ZNF610: variants seen among roughly 807,000 people sequenced by gnomAD.
The protein encoded by ZNF610 is zinc finger protein 610.
In ZNF610, 14 loss-of-function variants were observed where a neutral mutation model predicts 14.1. The ratio of observed to expected loss-of-function variants is 0.99; its 90% CI spans 0.65 to 1.55. The LOEUF is 1.55. Among genes scored for constraint, ZNF610 ranks in the 40% most tolerant of loss-of-function variants. ZNF610 has a pLI of 0.00. For missense variants in ZNF610, 530 were observed against 558.0 expected (o/e 0.95, Z 0.51); for synonymous variants, 185 against 187.6 (o/e 0.99, Z 0.11).
At chr19:52,352,458 G>A (rs1461879210) in intron 3 of ZNF610, among the ~76,000 whole-genome samples, 4 of 151,994 alleles carry the variant, frequency 2.6e-5, no homozygotes, top group South Asian at 2.1e-4. Flanking sequence ...GGCTGGTCTC[G>A]AACTCCCCAC....
chr19:52,365,612 T>G, intron 5 of ZNF610, 86 bp from the exon 6 acceptor site: 1 of 1,191,032 alleles, frequency 8.4e-7, no homozygotes, highest in Non-Finnish European at 1.2e-6. Context: ...AGTGTCTGAG[T>G]TGGGTGAGGC....
intron 1 of ZNF610, chr19:52,347,175 G>A (rs957428929): frequency 1.3e-5 from 2 of 152,212 alleles, no homozygotes; most frequent in African/African-American, 2.4e-5. Context: ...TATTGCTCCT[G>A]AGGACCTTCC....
intron 1 of ZNF610, among the ~76,000 whole-genome samples, chr19:52,342,625 T>C (rs1430697535): frequency 6.6e-6 from 1 of 151,814 alleles, no homozygotes; most frequent in African/African-American, 2.4e-5. Flanking sequence ...GTTCAAGTGA[T>C]TCTCCCACCT....
intron 5 of ZNF610, among the ~76,000 whole-genome samples, chr19:52,364,379 A>G (rs568376525): frequency 1.3e-5 from 2 of 151,992 alleles, no homozygotes; most frequent in South Asian, 4.2e-4. Context: ...AGAACTTTAT[A>G]TTTTCATTTG....
intron 5 of ZNF610, among the ~76,000 whole-genome samples, chr19:52,365,111 G>T (rs1191551206): frequency 6.6e-6 from 1 of 152,050 alleles, no homozygotes; most frequent in Non-Finnish European, 1.5e-5. Flanking sequence ...AGACGAACGT[G>T]GTGGCGTGCG....
chr19:52,334,961 T>A (rs1166414108), upstream of ZNF610, among the ~76,000 whole-genome samples: 1 of 13,598 alleles, frequency 7.4e-5, no homozygotes, highest in Non-Finnish European at 1.5e-4. Flanking sequence ...ACACACACAA[T>A]GTAATTTACA....
chr19:52,346,064 T>C (rs968376909), intron 1 of ZNF610, among the ~76,000 whole-genome samples: 31 of 151,410 alleles, frequency 2.0e-4, no homozygotes, highest in Non-Finnish European at 4.1e-4. Context: ...AGTAGTGTGA[T>C]CTTGGCTCAC....
chr19:52,347,763 T>G lies in ZNF610; in HGVS notation c.-201T>G, dbSNP rs1355059895. The G allele has an allele frequency of 6.6e-6, 1 of 152,208 alleles. No homozygotes were observed. The highest frequency in any genetic ancestry group is 1.5e-5 in the Non-Finnish European group (1 of 68,044). The allele number at this position is 152,208 out of a possible 1,614,324, so 9.4% of individuals were successfully genotyped here. On this transcript the variant is annotated 5_prime_UTR_variant, in exon 2 of 6. Transcript: ENST00000403906. Reference sequence around the variant, plus strand: ...GTCTCGAAATTCTGGAGTCAAGCAGTCTGCCTGCCTCGTTCTCCAAACGTG... The same window carrying G: ...GTCTCGAAATTCTGGAGTCAAGCAGGCTGCCTGCCTCGTTCTCCAAACGTG...
intron 1 of ZNF610, among the ~76,000 whole-genome samples, chr19:52,339,562 A>G (rs1301244219): frequency 6.8e-6 from 1 of 146,454 alleles, no homozygotes; most frequent in African/African-American, 2.8e-5. Context: ...TTAAACCTTG[A>G]GTCAACACAG....
chr19:52,354,561 C>T (rs1232533925), intron 5 of ZNF610, among the ~76,000 whole-genome samples, 182 bp downstream of exon 5: 1 of 150,882 alleles, frequency 6.6e-6, no homozygotes, highest in Non-Finnish European at 1.5e-5. Flanking sequence ...ATAGCCACTG[C>T]ACCTTGCAAA....
At chr19:52,349,346 C>G in intron 3 of ZNF610, 111 bp downstream of exon 3, 1 of 1,369,214 alleles carries the variant, frequency 7.3e-7, no homozygotes, top group Non-Finnish European at 1.0e-6. Flanking sequence ...CAGTCCCTTT[C>G]ATCTCGCTTA....
intron 1 of ZNF610, among the ~76,000 whole-genome samples, chr19:52,337,687 T>C (rs1984451280): frequency 6.6e-6 from 1 of 152,154 alleles, no homozygotes; most frequent in Non-Finnish European, 1.5e-5. Flanking sequence ...AGATGAGCGA[T>C]GAGTTGATGG....
chr19:52,348,538 C>T (rs1729038610), intron 2 of ZNF610, among the ~76,000 whole-genome samples: 1 of 152,116 alleles, frequency 6.6e-6, no homozygotes, highest in African/African-American at 2.4e-5. Flanking sequence ...TGATCTGCTC[C>T]ACTTTTGGGG....
At chr19:52,358,802 G>A (rs1205087276) in intron 5 of ZNF610, among the ~76,000 whole-genome samples, 1 of 152,188 alleles carries the variant, frequency 6.6e-6, no homozygotes, top group Non-Finnish European at 1.5e-5. Context: ...TTTAGGTCAT[G>A]AATTGGCTTT....
chr19:52,353,932 G>A, intron 4 of ZNF610, 124 bp downstream of exon 4: 1 of 1,286,518 alleles, frequency 7.8e-7, no homozygotes, highest in Non-Finnish European at 1.1e-6. Context: ...ACTCAGAAAT[G>A]AAAAGCTCTA....
At chr19:52,358,052 T>C (rs1444514960) in intron 5 of ZNF610, among the ~76,000 whole-genome samples, 2 of 152,206 alleles carry the variant, frequency 1.3e-5, no homozygotes, top group Admixed American at 1.3e-4. Flanking sequence ...TGAAGTTACA[T>C]GATATAACTT....
intron 5 of ZNF610, among the ~76,000 whole-genome samples, chr19:52,356,523 T>A (rs1985529475): frequency 6.6e-6 from 1 of 152,218 alleles, no homozygotes; most frequent in Non-Finnish European, 1.5e-5. Context: ...AGGGCTGTAG[T>A]ATCAGGGAAT....
chr19:52,364,789 G>C (rs1985938638), intron 5 of ZNF610, among the ~76,000 whole-genome samples: 1 of 152,118 alleles, frequency 6.6e-6, no homozygotes, highest in South Asian at 2.1e-4. Flanking sequence ...TGTTGGCCAG[G>C]CTGGTCTTGA....
In ZNF610 at chr19:52,337,661, G is replaced by A. The variant is rs371609179; in HGVS notation, c.-258+1155G>A. Among the ~76,000 whole-genome samples the A allele has an allele frequency of 4.3e-4, 66 of 152,254 alleles. 2 individuals carry two copies. In the South Asian group the frequency reaches 5.6e-3, roughly 13 times the overall value. On this transcript the variant is annotated intron_variant, in intron 1 of 5. Coordinates refer to ENST00000403906, the MANE Select transcript of ZNF610 (RefSeq NM_001161425.2). ...AGGGAAACATACTAATGACAAAAGA[G>A]GGGGAACCTGAGTGCAGATGAGCGA...
Sources: allele counts gnomAD v4.1 joint callset (sites outside exome capture counted in the v4.1 genomes callset), GRCh38; gene constraint gnomAD v4.1.1; transcripts MANE v1.5; gene names NCBI Gene and HGNC (gene_info 2026-07-23, HGNC 2026-07-21).